DENND4C: variants seen among roughly 807,000 people sequenced by gnomAD.
The protein encoded by DENND4C is DENN domain-containing protein 4C.
DENND4C carries 108 observed loss-of-function variants against 203.0 expected under a neutral mutation model. The ratio of observed to expected loss-of-function variants is 0.53; its 90% CI spans 0.46 to 0.62. The LOEUF (loss-of-function observed/expected upper bound fraction) is 0.62, where lower values mean the gene tolerates loss of function less well. Among genes scored for constraint, DENND4C ranks in the 20% least tolerant of loss-of-function variants. DENND4C has a pLI of 0.00. For synonymous variants in DENND4C, 871 were observed against 792.4 expected (o/e 1.10, Z -1.67); for missense variants, 2,481 against 2,301.2 (o/e 1.08, Z -1.60).
At chr9:19,273,810 G>A (rs763728667) in intron 1 of DENND4C, among the ~76,000 whole-genome samples, 7 of 151,904 alleles carry the variant, frequency 4.6e-5, no homozygotes, top group Non-Finnish European at 1.0e-4. Context: ...AACTCTCAAA[G>A]CTGACAAGAG....
chr9:19,301,879 A>G (rs1191456839), intron 9 of DENND4C, among the ~76,000 whole-genome samples: 3 of 151,952 alleles, frequency 2.0e-5, no homozygotes, highest in Admixed American at 6.6e-5. Context: ...GAAGGTTGCT[A>G]TGAGCTGAGA....
At chr9:19,356,419 C>G (rs562635005) in intron 26 of DENND4C, among the ~76,000 whole-genome samples, 3 of 152,188 alleles carry the variant, frequency 2.0e-5, no homozygotes, top group African/African-American at 7.2e-5. Flanking sequence ...AGAAAATTCT[C>G]TAAATGTTCC....
At chr9:19,291,279 C>G (rs1836243357) in intron 5 of DENND4C, 1 of 155,324 alleles carries the variant, frequency 6.4e-6, no homozygotes, top group Admixed American at 6.3e-5. Context: ...GACCTAAGAA[C>G]TAATGGAGGG....
At chr9:19,362,954 T>C (rs1274625267) in intron 30 of DENND4C, among the ~76,000 whole-genome samples, 2 of 152,210 alleles carry the variant, frequency 1.3e-5, no homozygotes, top group Non-Finnish European at 2.9e-5. Context: ...TTTCAAACTG[T>C]ATTAGTTTGC....
At chr9:19,243,940 A>G (rs1262618158) in intron 1 of DENND4C, among the ~76,000 whole-genome samples, 1 of 152,160 alleles carries the variant, frequency 6.6e-6, no homozygotes, top group African/African-American at 2.4e-5. Context: ...CCTCCTGAGT[A>G]GCTGGGACTG....
intron 30 of DENND4C, among the ~76,000 whole-genome samples, chr9:19,367,552 A>G (rs1481870692): frequency 6.6e-6 from 1 of 152,270 alleles, no homozygotes; most frequent in Admixed American, 6.5e-5. Flanking sequence ...CCTGGCCAAC[A>G]TGGGGAAACC....
intron 2 of DENND4C, among the ~76,000 whole-genome samples, chr9:19,278,444 T>C (rs925736906): frequency 6.6e-6 from 1 of 152,070 alleles, no homozygotes; most frequent in Non-Finnish European, 1.5e-5. Flanking sequence ...TTGTTCTCTT[T>C]ATAGTTGTTC....
Position 19,357,956 on chromosome 9 carries a change from A to T in DENND4C, c.4965-9A>T. The T allele has an allele frequency of 6.3e-7, 1 of 1,584,576 alleles. No individual in the cohort carries two copies. ...TGAACATAGCATTTCTTCTATATTT[A>T]TTTTTAAGTGATGAAATAAAGAGAG... On this transcript the variant is annotated splice_polypyrimidine_tract_variant and intron_variant, in intron 27 of 32. Coordinates refer to ENST00000434457, the MANE Select transcript of DENND4C (RefSeq NM_001330640.2).
At chr9:19,282,048 T>G (rs1834154260) in intron 2 of DENND4C, among the ~76,000 whole-genome samples, 1 of 152,202 alleles carries the variant, frequency 6.6e-6, no homozygotes, top group Admixed American at 6.5e-5. Flanking sequence ...TGTATACTAC[T>G]ATAGACTTTA....
At chr9:19,312,317 G>A (rs1186353238) in intron 10 of DENND4C, among the ~76,000 whole-genome samples, 1 of 152,186 alleles carries the variant, frequency 6.6e-6, no homozygotes, top group Admixed American at 6.5e-5. Flanking sequence ...TGGCCAGGCT[G>A]GTTTCAAATT....
rs186033567 is a variant in DENND4C, at chr9:19,362,748, C to G, written c.5524+785C>G. Among the ~76,000 whole-genome samples the G allele has an allele frequency of 1.1e-3, 162 of 152,224 alleles. 1 individual carries two copies. Among genetic ancestry groups the G allele is most frequent in the Middle Eastern group, 0.01 (3 of 294 alleles). On this transcript the variant is annotated intron_variant, in intron 30 of 32. Coordinates refer to ENST00000434457, the MANE Select transcript of DENND4C (RefSeq NM_001330640.2). ...TGTTGGTATAGGATCATAAGTTCAG[C>G]TGTATTAATGGTTACTGACTGGTCT...
chr9:19,328,038 A>T lies in DENND4C; in HGVS notation c.2129A>T (p.Tyr710Phe). The T allele has an allele frequency of 6.3e-7, 1 of 1,591,498 alleles. No individual in the cohort carries two copies. Among genetic ancestry groups the T allele is most frequent in the Non-Finnish European group, 8.5e-7 (1 of 1,173,940 alleles). Residue 710 changes from tyrosine to phenylalanine, a missense_variant, in exon 16 of 33, where the codon TAC (tyrosine) becomes TTC (phenylalanine). This residue lies in a region of DENND4C where 2,289 missense variants were observed against 2,113.3 expected (regional missense o/e 1.08). Coordinates refer to ENST00000434457, the MANE Select transcript of DENND4C (RefSeq NM_001330640.2). ...KDLSPKYSYK[Y>F]FPRLDLKLFD... ...TTTTTTTTTTATTTTAGTTACAAAT[A>T]CTTTCCAAGACTGGACCTTAAGCTT...
intron 1 of DENND4C, among the ~76,000 whole-genome samples, chr9:19,250,391 T>C (rs1826261118): frequency 6.6e-6 from 1 of 151,824 alleles, no homozygotes; most frequent in African/African-American, 2.4e-5. Context: ...TTGCAGTGAG[T>C]AATTTTTGTA....
intron 13 of DENND4C, among the ~76,000 whole-genome samples, chr9:19,325,255 G>A (rs1843534177): frequency 6.6e-6 from 1 of 151,854 alleles, no homozygotes; most frequent in African/African-American, 2.4e-5. Context: ...TGTTCTAATG[G>A]AGGGTGGAAA....
chr9:19,271,780 G>A (rs985604803), intron 1 of DENND4C, among the ~76,000 whole-genome samples: 7 of 151,004 alleles, frequency 4.6e-5, no homozygotes, highest in Non-Finnish European at 8.8e-5. Flanking sequence ...CAGGAGAATC[G>A]CTTGAACCTG....
intron 2 of DENND4C, among the ~76,000 whole-genome samples, chr9:19,282,459 G>C (rs1395670012): frequency 6.6e-6 from 1 of 150,624 alleles, no homozygotes; most frequent in Non-Finnish European, 1.5e-5. Flanking sequence ...TCGCCTTGTT[G>C]CCCAGGCTGC....
In DENND4C at chr9:19,276,433, C is replaced by G; in HGVS notation, c.259C>G (p.Leu87Val). 8.1e-7 allele frequency: 1 copy of G among 1,232,050 alleles called. No individual in the cohort carries two copies. Among genetic ancestry groups the G allele is most frequent in the Non-Finnish European group, 1.0e-6 (1 of 987,936 alleles). The allele number at this position is 1,232,050 out of a possible 1,614,324, so 76.3% of individuals were successfully genotyped here. Residue 87 changes from leucine to valine, a missense_variant, in exon 2 of 33, where the codon CTC becomes GTC. By Grantham distance (32) the Leu-to-Val change is conservative. Around this residue, in one of 3 missense-constraint regions of DENND4C, gnomAD observed 187 missense variants for 167.4 expected, o/e 1.12. Coordinates refer to ENST00000434457, the MANE Select transcript of DENND4C (RefSeq NM_001330640.2). ...AAGTCTGAAAAGCCCAGAACTTTTC[C>G]TCTGTTATAAGAGAGGGAGAGATAA... is the stretch of plus-strand genomic sequence containing the variant. ...YGSLKSPELF[L>V]CYKRGRDKPP...
chr9:19,366,444 A>T (rs1197346813), intron 30 of DENND4C, among the ~76,000 whole-genome samples: 1 of 152,198 alleles, frequency 6.6e-6, no homozygotes, highest in Non-Finnish European at 1.5e-5. Flanking sequence ...TACTAAAAAA[A>T]TACAAAAAAA....
In DENND4C at chr9:19,342,789, T is replaced by C. The variant is rs1821943625; in HGVS notation, c.3151+10T>C. On this transcript the variant is annotated intron_variant, in intron 22 of 32. Coordinates refer to ENST00000434457, the MANE Select transcript of DENND4C (RefSeq NM_001330640.2). Reference sequence around the variant, plus strand: ...AGGAAAAGTAGCACTGGTGAGTCTTTACATTTTGGTTATTAAATATTTAAA... The same window carrying C: ...AGGAAAAGTAGCACTGGTGAGTCTTCACATTTTGGTTATTAAATATTTAAA... 1 of 1,568,122 alleles carries C rather than the reference T, an allele frequency of 6.4e-7. No homozygotes were observed. The highest frequency in any genetic ancestry group is 8.6e-7 in the Non-Finnish European group (1 of 1,161,484).
Sources: gnomAD v4.1 joint callset for allele counts (sites outside exome capture counted in the v4.1 genomes callset) on GRCh38, gnomAD v4.1.1 for gene constraint, gnomAD v4.1.1 regional missense constraint, MANE v1.5 for transcripts, NCBI Gene and HGNC (gene_info 2026-07-23, HGNC 2026-07-21) for gene names.